Variants in KLF12 observed in about 807,000 individuals in gnomAD.
KLF12 encodes Krueppel-like factor 12.
In KLF12, 9 loss-of-function variants were observed where a neutral mutation model predicts 37.8. The observed-to-expected ratio is 0.24, with a 90% confidence interval of 0.14 to 0.42. The LOEUF (loss-of-function observed/expected upper bound fraction) is 0.42, where lower values mean the gene tolerates loss of function less well. Among genes scored for constraint, KLF12 ranks in the 10% least tolerant of loss-of-function variants. KLF12 has a pLI of 1.00. For synonymous variants in KLF12, 208 were observed against 202.1 expected, an observed-to-expected ratio of 1.03 and a Z score of -0.25; for missense variants, 411 against 516.0, an observed-to-expected ratio of 0.80 and a Z score of 1.97.
the KLF12 span, among the ~76,000 whole-genome samples, chr13:74,293,065 C>T: frequency 6.6e-6 from 1 of 152,194 alleles, no homozygotes; most frequent in African/African-American, 2.4e-5. Context: ...CTGAACACCC[C>T]TGCCTCATAC....
At chr13:73,713,156 TG>T (rs1483785407) in intron 7 of KLF12, among the ~76,000 whole-genome samples, 2 of 152,152 alleles carry the variant, frequency 1.3e-5, no homozygotes, top group Non-Finnish European at 2.9e-5. Flanking sequence ...AGATGTTAGT[TG>T]GTTCATGACA....
chr13:73,978,548 A>G (rs1170439009), intron 2 of KLF12, among the ~76,000 whole-genome samples: 2 of 152,218 alleles, frequency 1.3e-5, no homozygotes, highest in African/African-American at 4.8e-5. Context: ...ACAGTTTGTT[A>G]GACTCCTAGT....
intron 3 of KLF12, among the ~76,000 whole-genome samples, chr13:73,909,813 G>T (rs549517341): frequency 6.6e-6 from 1 of 152,136 alleles, no homozygotes; most frequent in East Asian, 1.9e-4. Context: ...TTTCCATTTT[G>T]TCCAAATAGC....
intron 2 of KLF12, among the ~76,000 whole-genome samples, chr13:73,989,570 C>G (rs1891911973): frequency 6.6e-6 from 1 of 152,108 alleles, no homozygotes; most frequent in South Asian, 2.1e-4. Flanking sequence ...GCACTGCTGT[C>G]CAATGGAAGC....
chr13:73,841,226 G>A (rs567557752), intron 4 of KLF12, among the ~76,000 whole-genome samples: 14 of 152,090 alleles, frequency 9.2e-5, no homozygotes, highest in Admixed American at 6.6e-5. Context: ...AATCCTAAAC[G>A]CGCCTGCTCT....
chr13:74,234,971 A>C, the KLF12 span, among the ~76,000 whole-genome samples: 1 of 152,054 alleles, frequency 6.6e-6, no homozygotes, highest in South Asian at 2.1e-4. Flanking sequence ...TATCTATCTA[A>C]CTATCTATCC....
chr13:74,257,110 C>G, the KLF12 span: 6,319 of 152,302 alleles, frequency 0.041, 145 homozygotes, highest in Middle Eastern at 0.071. Context: ...GTTATAGAGC[C>G]TAGGCTGGAG....
chr13:74,083,019 G>A (rs1875005782), intron 1 of KLF12, among the ~76,000 whole-genome samples: 1 of 152,112 alleles, frequency 6.6e-6, no homozygotes. Flanking sequence ...TTAAAAATAA[G>A]GAAGAGTGAC....
chr13:73,723,787 A>G (rs1876452270), intron 6 of KLF12, among the ~76,000 whole-genome samples: 1 of 152,232 alleles, frequency 6.6e-6, no homozygotes, highest in Admixed American at 6.5e-5. Flanking sequence ...ACCGACAAAC[A>G]TGAAAAAAAG....
At chr13:74,190,872 A>C in the KLF12 span, among the ~76,000 whole-genome samples, 1 of 152,214 alleles carries the variant, frequency 6.6e-6, no homozygotes, top group Non-Finnish European at 1.5e-5. Context: ...CTTCTCCTTC[A>C]GAAGACAGTG....
At position 74,034,021 on chromosome 13, in the gene KLF12, C is replaced by CT. The variant is rs5804712; in HGVS notation, c.-31-38969_-31-38968insA. 7.2e-3 allele frequency among the ~76,000 whole-genome samples: 1,080 copies of CT among 150,264 alleles called. 50 individuals carry two copies. The highest frequency in any genetic ancestry group is 0.062 in the Admixed American group (935 of 15,116). ...CTACCAGTGACATTAAACATCAACT[C>CT]ATCTGTTTACTGGTCATTTACGCAT... On this transcript the variant is annotated intron_variant, in intron 1 of 7. Transcript: ENST00000377669.
chr13:73,970,577 G>A (rs1891302060), intron 2 of KLF12, among the ~76,000 whole-genome samples: 1 of 152,158 alleles, frequency 6.6e-6, no homozygotes, highest in Non-Finnish European at 1.5e-5. Flanking sequence ...CAGGTTGGCG[G>A]GGCCAGCTTC....
chr13:74,000,053 C>A (rs1312467282), intron 1 of KLF12, among the ~76,000 whole-genome samples: 1 of 152,078 alleles, frequency 6.6e-6, no homozygotes, highest in Non-Finnish European at 1.5e-5. Flanking sequence ...GTATCATAAG[C>A]CCTCCTCCCC....
chr13:74,082,492 C>T (rs1005566801), intron 1 of KLF12, among the ~76,000 whole-genome samples: 3 of 152,158 alleles, frequency 2.0e-5, no homozygotes, highest in African/African-American at 7.2e-5. Flanking sequence ...ATTCATTTAG[C>T]ACCACACTTG....
At chr13:74,187,917 A>G in the KLF12 span, among the ~76,000 whole-genome samples, 1 of 152,208 alleles carries the variant, frequency 6.6e-6, no homozygotes, top group African/African-American at 2.4e-5. Flanking sequence ...TAGCCGGAAG[A>G]AAATAGTTAT....
At chr13:73,822,666 C>G (rs2138513545) in intron 4 of KLF12, among the ~76,000 whole-genome samples, 1 of 152,286 alleles carries the variant, frequency 6.6e-6, no homozygotes, top group East Asian at 1.9e-4. Flanking sequence ...ACTAAGACTA[C>G]TTTTCTTGTT....
At chr13:74,078,776 T>G (rs1027363938) in intron 1 of KLF12, among the ~76,000 whole-genome samples, 1 of 152,208 alleles carries the variant, frequency 6.6e-6, no homozygotes, top group African/African-American at 2.4e-5. Context: ...AATTAAAACA[T>G]TTATAGCCTG....
rs576730408 is a variant in KLF12, at chr13:73,745,698, A to T, written c.869+19240T>A. On this transcript the variant is annotated intron_variant, in intron 6 of 7. Transcript: ENST00000377669. Reference sequence around the variant, plus strand: ...TAATTTCTAGAATCAGAGGCCTCCAAATCTATTAATAATCACAAATTTGCA... The same window carrying T: ...TAATTTCTAGAATCAGAGGCCTCCATATCTATTAATAATCACAAATTTGCA... 3.2e-4 allele frequency among the ~76,000 whole-genome samples: 48 copies of T among 152,302 alleles called. 2 individuals carry two copies. In the South Asian group the frequency reaches 9.7e-3, roughly 31 times the overall value.
the KLF12 span, among the ~76,000 whole-genome samples, chr13:74,287,051 T>A: frequency 6.6e-6 from 1 of 152,236 alleles, no homozygotes; most frequent in African/African-American, 2.4e-5. Flanking sequence ...CATGGCTCTT[T>A]CCTAGCCCTG....
Sources: allele counts gnomAD v4.1 joint callset (sites outside exome capture counted in the v4.1 genomes callset), GRCh38; gene constraint gnomAD v4.1.1; transcripts MANE v1.5; gene names NCBI Gene and HGNC (gene_info 2026-07-23, HGNC 2026-07-21).